The following PCDHGA5 variants were observed in gnomAD, a reference collection of about 807,000 sequenced individuals.
PCDHGA5 encodes the protein protocadherin gamma-A5.
Under a neutral mutation model 56.7 loss-of-function variants are expected in PCDHGA5, and 36 were observed. That is an observed-to-expected ratio of 0.64 (90% confidence interval 0.49 to 0.84). The LOEUF (loss-of-function observed/expected upper bound fraction) is 0.84. Among genes scored for constraint, PCDHGA5 ranks in the 40% least tolerant of loss-of-function variants. The pLI, the probability that PCDHGA5 is intolerant of heterozygous loss-of-function variation, is 0.00. For synonymous variants in PCDHGA5, 563 were observed against 520.2 expected, an observed-to-expected ratio of 1.08 and a Z score of -1.12; for missense variants, 1,305 against 1,201.5, an observed-to-expected ratio of 1.09 and a Z score of -1.27.
chr5:141,389,785 A>ACGCCGTCCGCCAGCGCCTTCTGGT (rs780757695), intron 1 of PCDHGA5: 1 of 1,613,332 alleles, frequency 6.2e-7, no homozygotes, highest in South Asian at 1.1e-5. Flanking sequence ...GGCGACAGGG[A>ACGCCGTCCGCCAGCGCCTTCTGGT]CGCCGTCCGC....
At chr5:141,408,819 G>A in intron 1 of PCDHGA5, 1 of 1,613,520 alleles carries the variant, frequency 6.2e-7, no homozygotes, top group Non-Finnish European at 8.5e-7. Context: ...GAAGAACAGA[G>A]ATCTCATAGC....
At chr5:141,421,844 A>C (rs1261967247) in intron 1 of PCDHGA5, 2 of 1,613,740 alleles carry the variant, frequency 1.2e-6, no homozygotes, top group East Asian at 4.5e-5. Context: ...CGAGAGAAAG[A>C]GGCTGCTCAC....
intron 1 of PCDHGA5, chr5:141,404,187 G>A (rs370199750): frequency 3.1e-6 from 5 of 1,613,124 alleles, no homozygotes; most frequent in African/African-American, 1.3e-5. Context: ...ATTCTTGACC[G>A]AGAAAAAGCC....
At chr5:141,380,103 A>T (rs1371621007) in intron 1 of PCDHGA5, among the ~76,000 whole-genome samples, 3 of 151,578 alleles carry the variant, frequency 2.0e-5, no homozygotes, top group Admixed American at 6.6e-5. Flanking sequence ...TTTTACCATG[A>T]TGGCCAGGCT....
chr5:141,403,663 T>C (rs2094439679), intron 1 of PCDHGA5: 3 of 1,613,900 alleles, frequency 1.9e-6, no homozygotes, highest in African/African-American at 1.3e-5. Flanking sequence ...ATACAAATGA[T>C]AATGCCCCGG....
chr5:141,395,305 A>G, intron 1 of PCDHGA5: 1 of 1,514,986 alleles, frequency 6.6e-7, no homozygotes. Flanking sequence ...TATGTTTTGA[A>G]AAACATTGTG....
chr5:141,405,261 T>TC, intron 1 of PCDHGA5: 1 of 1,613,852 alleles, frequency 6.2e-7, no homozygotes. Context: ...CACCTGATCT[T>TC]CCCCCAGCCC....
chr5:141,383,268 A>C (rs773903039), intron 1 of PCDHGA5: 1 of 1,613,816 alleles, frequency 6.2e-7, no homozygotes, highest in Non-Finnish European at 8.5e-7. Context: ...ACGTGGAAAT[A>C]ATAGATATTA....
At chr5:141,411,134 G>A (rs1050594380) in intron 1 of PCDHGA5, 1 of 152,434 alleles carries the variant, frequency 6.6e-6, no homozygotes, top group Non-Finnish European at 1.5e-5. Context: ...ACAGGCGTGA[G>A]CCACAATATT....
chr5:141,422,873 T>C (rs1474438774), intron 1 of PCDHGA5: 1 of 1,614,158 alleles, frequency 6.2e-7, no homozygotes, highest in Admixed American at 1.7e-5. Flanking sequence ...AACGTGTCGC[T>C]GAGCCTGTTC....
In PCDHGA5 at chr5:141,364,213, C is replaced by A. The variant is rs1212511912; in HGVS notation, c.-118C>A. ...AACACACAGACCAGACAAGCTCCTA[C>A]GAAAAGCCAACGCTCCACGCCCATT... On this transcript the variant is annotated 5_prime_UTR_variant, in exon 1 of 4. Coordinates refer to ENST00000518069, the MANE Select transcript of PCDHGA5 (RefSeq NM_018918.3). The A allele has an allele frequency of 3.1e-6, 4 of 1,275,024 alleles. No individual in the cohort carries two copies. Among genetic ancestry groups the A allele is most frequent in the East Asian group, 2.6e-5 (1 of 38,514 alleles). The allele number at this position is 1,275,024 out of a possible 1,614,324, so 79.0% of individuals were successfully genotyped here. A position where few individuals can be genotyped will look rare whatever the true frequency, so the allele number is the denominator to read the frequency against.
At chr5:141,488,913 A>G (rs887938731) in intron 1 of PCDHGA5, among the ~76,000 whole-genome samples, 4 of 152,196 alleles carry the variant, frequency 2.6e-5, no homozygotes, top group African/African-American at 7.2e-5. Flanking sequence ...TGTGTTCCCA[A>G]GGTTTCCAGG....
intron 1 of PCDHGA5, among the ~76,000 whole-genome samples, chr5:141,443,479 C>G (rs1285767691): frequency 6.6e-6 from 1 of 152,144 alleles, no homozygotes; most frequent in African/African-American, 2.4e-5. Context: ...GAATTAGACC[C>G]TGTCCCAAAA....
At chr5:141,418,539 A>G (rs984639830) in intron 1 of PCDHGA5, 14 of 1,614,034 alleles carry the variant, frequency 8.7e-6, no homozygotes, top group Non-Finnish European at 1.0e-5. Context: ...GGTACTGCTC[A>G]GATAAGAATC....
At chr5:141,467,134 C>T (rs905270517) in intron 1 of PCDHGA5, among the ~76,000 whole-genome samples, 19 of 151,750 alleles carry the variant, frequency 1.3e-4, no homozygotes, top group African/African-American at 4.6e-4. Flanking sequence ...CTCACTGCAA[C>T]CTCTGCCTCC....
intron 1 of PCDHGA5, chr5:141,383,027 C>T (rs752703068): frequency 1.2e-6 from 2 of 1,613,838 alleles, no homozygotes; most frequent in Admixed American, 1.7e-5. Context: ...GACAAAGGGT[C>T]CTTTGTGGGA....
Position 141,432,295 on chromosome 5 carries a change from G to A in PCDHGA5, c.2422-62512G>A. 6.2e-7 allele frequency: 1 copy of A among 1,614,222 alleles called. No individual in the cohort carries two copies. The highest frequency in any genetic ancestry group is 8.5e-7 in the Non-Finnish European group (1 of 1,180,034). ...ACGTGTCCATCAACTCCGACACTGG[G>A]GTACTGTATGCGCTGAGCTCCTTCG... is the stretch of plus-strand genomic sequence containing the variant. On this transcript the variant is annotated intron_variant, in intron 1 of 3. Coordinates refer to ENST00000518069, the MANE Select transcript of PCDHGA5 (RefSeq NM_018918.3). This position sits in a 1 kb window ranked among gnomAD's most constrained non-coding sequence, Gnocchi z 6.0.
chr5:141,470,794 C>T (rs1332287628), intron 1 of PCDHGA5, among the ~76,000 whole-genome samples: 1 of 152,162 alleles, frequency 6.6e-6, no homozygotes, highest in African/African-American at 2.4e-5. Flanking sequence ...CTCAAGCAAT[C>T]CTCCCACTTC....
At chr5:141,371,789 T>G in intron 1 of PCDHGA5, 1 of 1,613,924 alleles carries the variant, frequency 6.2e-7, no homozygotes. Flanking sequence ...CTGAGAACAA[T>G]CCGCCTGGAG....
Sources: allele counts gnomAD v4.1 joint callset (sites outside exome capture counted in the v4.1 genomes callset), GRCh38; gene constraint gnomAD v4.1.1; non-coding constraint Gnocchi (gnomAD v3.1); transcripts MANE v1.5; gene names NCBI Gene and HGNC (gene_info 2026-07-23, HGNC 2026-07-21).